Variants in SUGCT observed in about 807,000 individuals in gnomAD.
SUGCT encodes the protein succinyl-CoA:glutarate-CoA transferase, also known as succinyl-CoA:glutarate CoA-transferase.
In SUGCT, 41 loss-of-function variants were observed where a neutral mutation model predicts 55.0. The observed-to-expected ratio is 0.74, with a 90% confidence interval of 0.58 to 0.97. SUGCT has a LOEUF of 0.97. Ranked by LOEUF, SUGCT falls within the 50% of genes least tolerant of loss-of-function variation. The probability of loss-of-function intolerance (pLI) is 0.00; values close to 1 mark genes in which losing one functional copy is unlikely to be tolerated. For missense variants in SUGCT, 568 were observed against 547.8 expected (o/e 1.04, Z -0.37); for synonymous variants, 187 against 200.4 (o/e 0.93, Z 0.56).
chr7:40,439,469 C>CCTAAAGCTT (rs1788380234), intron 9 of SUGCT, among the ~76,000 whole-genome samples: 2 of 152,054 alleles, frequency 1.3e-5, no homozygotes, highest in African/African-American at 4.8e-5. Flanking sequence ...TCATATCCAT[C>CCTAAAGCTT]TGGCAACATC....
At chr7:40,307,711 T>C (rs1397748809) in intron 8 of SUGCT, among the ~76,000 whole-genome samples, 1 of 152,222 alleles carries the variant, frequency 6.6e-6, no homozygotes, top group Non-Finnish European at 1.5e-5. Context: ...ATAAACGTGG[T>C]GCAGATGGGT....
intron 12 of SUGCT, among the ~76,000 whole-genome samples, chr7:40,697,253 T>TTA (rs1349901700): frequency 1.3e-5 from 2 of 152,220 alleles, no homozygotes; most frequent in African/African-American, 4.8e-5. Context: ...ATAAGTCTAT[T>TTA]ATTTCTTTAG....
chr7:40,898,695 TC>T, the SUGCT span, among the ~76,000 whole-genome samples: 3 of 150,496 alleles, frequency 2.0e-5, no homozygotes, highest in Non-Finnish European at 4.4e-5. Context: ...CGAGACTCCG[TC>T]TAAAAAAAAA....
intron 6 of SUGCT, among the ~76,000 whole-genome samples, chr7:40,207,405 A>C (rs556358087): frequency 1.3e-5 from 2 of 152,266 alleles, no homozygotes; most frequent in South Asian, 4.1e-4. Context: ...CTATCAAAAA[A>C]CCGGGAAACA....
chr7:40,565,995 A>ACACG (rs1403261874), intron 12 of SUGCT, among the ~76,000 whole-genome samples: 5 of 45,656 alleles, frequency 1.1e-4, no homozygotes, highest in East Asian at 1.5e-3. Flanking sequence ...ACACACACGC[A>ACACG]CACACACACA....
intron 9 of SUGCT, among the ~76,000 whole-genome samples, chr7:40,434,700 A>G (rs1376669902): frequency 6.6e-6 from 1 of 152,162 alleles, no homozygotes; most frequent in Non-Finnish European, 1.5e-5. Flanking sequence ...AGGCTTCCAG[A>G]TCTGATCATC....
chr7:40,842,138 G>A (rs905051625), intron 13 of SUGCT, among the ~76,000 whole-genome samples: 5 of 151,926 alleles, frequency 3.3e-5, no homozygotes, highest in African/African-American at 4.8e-5. Flanking sequence ...ATAGGAAAAT[G>A]TTTGTGTACC....
chr7:40,182,885 G>T (rs543379552), intron 3 of SUGCT, among the ~76,000 whole-genome samples: 2 of 152,102 alleles, frequency 1.3e-5, no homozygotes, highest in Non-Finnish European at 1.5e-5. Context: ...CTCCCTCACC[G>T]TGGAATCAAG....
chr7:40,440,513 T>C (rs1478268429), intron 9 of SUGCT, among the ~76,000 whole-genome samples: 1 of 152,122 alleles, frequency 6.6e-6, no homozygotes, highest in African/African-American at 2.4e-5. Context: ...CTTACTCATG[T>C]GAACTTGTCA....
chr7:40,629,950 C>T (rs1350842700), intron 12 of SUGCT, among the ~76,000 whole-genome samples: 1 of 152,094 alleles, frequency 6.6e-6, no homozygotes, highest in Non-Finnish European at 1.5e-5. Context: ...ATTTTTGAGG[C>T]CAATTTCATT....
intron 9 of SUGCT, among the ~76,000 whole-genome samples, chr7:40,323,298 G>A (rs1337996369): frequency 6.6e-6 from 1 of 152,156 alleles, no homozygotes. Context: ...AGTTTAAAGT[G>A]CATGTGAATC....
At chr7:40,616,614 G>A (rs1584135497) in intron 12 of SUGCT, among the ~76,000 whole-genome samples, 1 of 152,242 alleles carries the variant, frequency 6.6e-6, no homozygotes, top group Non-Finnish European at 1.5e-5. Context: ...AAACTATTTT[G>A]GGGAGTAAGT....
chr7:40,455,682 GA>G (rs1789446708), intron 10 of SUGCT, among the ~76,000 whole-genome samples: 1 of 152,152 alleles, frequency 6.6e-6, no homozygotes, highest in South Asian at 2.1e-4. Flanking sequence ...GAGAAATTGT[GA>G]AACCTCACAT....
chr7:40,241,377 A>C (rs370745905), intron 7 of SUGCT, among the ~76,000 whole-genome samples: 3 of 151,372 alleles, frequency 2.0e-5, no homozygotes, highest in East Asian at 3.9e-4. Context: ...TCAGGAGTTC[A>C]AGACCAGCCT....
chr7:40,333,142 T>A (rs1282820676), intron 9 of SUGCT, among the ~76,000 whole-genome samples: 1 of 152,100 alleles, frequency 6.6e-6, no homozygotes, highest in Non-Finnish European at 1.5e-5. Context: ...TAGTAGAAAC[T>A]AATGGAAACT....
At chr7:40,166,899 AAAAAG>A (rs1379792517) in intron 1 of SUGCT, among the ~76,000 whole-genome samples, 3 of 152,114 alleles carry the variant, frequency 2.0e-5, no homozygotes, top group African/African-American at 7.2e-5. Flanking sequence ...AAAAAAAAAA[AAAAAG>A]AACAATTCCT....
At chr7:40,911,083 A>G in the SUGCT span, among the ~76,000 whole-genome samples, 3 of 152,190 alleles carry the variant, frequency 2.0e-5, no homozygotes, top group Non-Finnish European at 4.4e-5. Flanking sequence ...TCCCTTCGCC[A>G]TGGCTGACAG....
At chr7:41,017,322 C>A in the SUGCT span, among the ~76,000 whole-genome samples, 1 of 139,212 alleles carries the variant, frequency 7.2e-6, no homozygotes, top group East Asian at 2.2e-4. Context: ...CATAAAGATG[C>A]GATACATGGG....
chr7:40,261,389 A>G (rs1313767384), intron 7 of SUGCT, among the ~76,000 whole-genome samples: 2 of 152,178 alleles, frequency 1.3e-5, no homozygotes, highest in Admixed American at 6.5e-5. Context: ...TTGGGCCTTC[A>G]GACAGTCCTG....
Sources: allele counts gnomAD v4.1 joint callset (sites outside exome capture counted in the v4.1 genomes callset), GRCh38; gene constraint gnomAD v4.1.1; transcripts MANE v1.5; gene names NCBI Gene and HGNC (gene_info 2026-07-23, HGNC 2026-07-21).